The following NOS3 variants were observed in gnomAD, a reference collection of about 807,000 sequenced individuals.
The protein encoded by NOS3 is NOS type III.
NOS3 carries 98 observed loss-of-function variants against 144.9 expected under a neutral mutation model. That is an observed-to-expected ratio of 0.68 (90% CI 0.57 to 0.80). The LOEUF (loss-of-function observed/expected upper bound fraction) is 0.80. Ranked by LOEUF, NOS3 falls within the 30% of genes least tolerant of loss-of-function variation. The probability of loss-of-function intolerance (pLI) is 0.00; values close to 1 mark genes in which losing one functional copy is unlikely to be tolerated. For missense variants in NOS3, 1,465 were observed against 1,656.4 expected (o/e 0.88, Z 2.01); for synonymous variants, 714 against 702.4 (o/e 1.02, Z -0.26).
In NOS3 at chr7:151,005,595, G is replaced by A. The variant is rs541051253; in HGVS notation, c.1753-832G>A. Reference sequence around the variant, plus strand: ...TGCCCTCCCCTGCAGCTGCGAGGACGATCTGCCTGCCCCAACAAGTGGGGA... The same window carrying A: ...TGCCCTCCCCTGCAGCTGCGAGGACAATCTGCCTGCCCCAACAAGTGGGGA... On this transcript the variant is annotated intron_variant, in intron 14 of 26. Transcript: ENST00000297494. Among the ~76,000 whole-genome samples the A allele has an allele frequency of 1.4e-4, 22 of 152,286 alleles. No homozygotes were observed. The East Asian group carries it at 3.1e-3, about 21-fold the overall frequency.
chr7:150,995,556 CTTTCCCCCCTCCCACCCCTGCACCCT>C (rs1802361689), intron 3 of NOS3, among the ~76,000 whole-genome samples: 8 of 133,602 alleles, frequency 6.0e-5, no homozygotes, highest in East Asian at 4.6e-4. Context: ...CCCTGCACCC[CTTTCCCCCCTCCCACCCCTGCACCCT>C]TCCTCCCTCT....
At chr7:150,991,679 C>T (rs560042275) in intron 1 of NOS3, among the ~76,000 whole-genome samples, 13 of 152,224 alleles carry the variant, frequency 8.5e-5, no homozygotes, top group Non-Finnish European at 1.5e-4. Flanking sequence ...GCCACAGGGA[C>T]GGGCCACAGC....
At chr7:150,994,014 T>C (rs1802313304) in intron 2 of NOS3, 53 bp downstream of exon 2, 1 of 1,514,862 alleles carries the variant, frequency 6.6e-7, no homozygotes, top group Admixed American at 2.2e-5. Context: ...TGTCAAGGCC[T>C]GAAGCCTGGG....
At position 151,008,965 on chromosome 7, in the gene NOS3, C is replaced by T. The variant is rs753697327; in HGVS notation, c.2148C>T (p.Ala716=). 4 of 1,610,736 alleles carry T rather than the reference C, an allele frequency of 2.5e-6. No individual in the cohort carries two copies. Among genetic ancestry groups the T allele is most frequent in the Non-Finnish European group, 3.4e-6 (4 of 1,179,160 alleles). The stretch of plus-strand genomic sequence containing the variant: ...AGACCTTCTGTGTGGGAGAGGATGC[C>T]AAGGCCGCCGCCCGAGACATCTTCA... ...ACETFCVGED[A]KAAARDIFSP... is the part of the protein sequence containing the mutation. The change falls in exon 18 of 27, where the codon GCC becomes GCT. Residue 716 remains alanine (A), a synonymous_variant. Transcript: ENST00000297494.
At chr7:151,013,684 C>A in intron 25 of NOS3, 40 bp from the exon 26 acceptor site, 1 of 1,466,552 alleles carries the variant, frequency 6.8e-7, no homozygotes, top group South Asian at 1.2e-5. Context: ...CCCCCGCGCC[C>A]ACCCCCACCA....
chr7:151,012,226 T>G lies in NOS3; in HGVS notation c.2985-125T>G, dbSNP rs375435146. 3.9e-4 allele frequency: 305 copies of G among 788,110 alleles called. 2 individuals carry two copies. The Middle Eastern group carries it at 4.5e-3, about 12-fold the overall frequency. The allele number at this position is 788,110 out of a possible 1,614,324, so 48.8% of individuals were successfully genotyped here. On this transcript the variant is annotated intron_variant, in intron 23 of 26. Coordinates refer to ENST00000297494, the MANE Select transcript of NOS3 (RefSeq NM_000603.5). ...AAGTAGAGTTGTTTTTTGTTTTTTG[T>G]TTTTTTTTTAATTTTTTTTTGAGAT...
At chr7:151,006,570 A>C in intron 15 of NOS3, 76 bp downstream of exon 15, 1 of 1,258,248 alleles carries the variant, frequency 7.9e-7, no homozygotes, top group Non-Finnish European at 1.1e-6. Flanking sequence ...GGGTCTGAAA[A>C]GCTCTCCCTC....
At chr7:151,011,010 G>A in intron 23 of NOS3, 24 bp downstream of exon 23, 1 of 1,570,368 alleles carries the variant, frequency 6.4e-7, no homozygotes. Flanking sequence ...AAGACTTGGT[G>A]GGGAGCTGCC....
Position 151,003,310 on chromosome 7 carries a change from G to A in NOS3, c.1752+1006G>A. ...CTAGCTAATTTTTGTATTTTTTATAGAGATGGGGTTTCGCCATGTTGCCCA... is the reference window on the plus strand; with the variant it reads ...CTAGCTAATTTTTGTATTTTTTATAAAGATGGGGTTTCGCCATGTTGCCCA... On this transcript the variant is annotated intron_variant, in intron 14 of 26. Coordinates refer to ENST00000297494, the MANE Select transcript of NOS3 (RefSeq NM_000603.5). The surrounding 1 kb of genome is among the most constrained non-coding windows in gnomAD (Gnocchi z 4.1). The A allele has an allele frequency of 1.7e-6, 1 of 582,022 alleles. No homozygotes were observed. Among genetic ancestry groups the A allele is most frequent in the Non-Finnish European group, 2.9e-6 (1 of 346,588 alleles). 36.1% of individuals were successfully genotyped at this position (582,022 alleles called of 1,614,324 possible). A position where few individuals can be genotyped will look rare whatever the true frequency, so the allele number is the denominator to read the frequency against.
Position 150,996,597 on chromosome 7 carries a change from C to T in NOS3, c.419+45C>T, listed in dbSNP as rs551952882. On this transcript the variant is annotated intron_variant, in intron 4 of 26. Transcript: ENST00000297494. ...CACAGCCTCCCTTGTCCCACTGAGG[C>T]CCCAGAAACCCCGTGACGACCTTCC... 556 of 1,553,894 alleles carry T rather than the reference C, an allele frequency of 3.6e-4. 3 individuals are homozygous for T. In the East Asian group the frequency reaches 0.01, roughly 28 times the overall value.
Position 151,014,277 on chromosome 7 carries a change from A to T in NOS3, c.*108A>T. On this transcript the variant is annotated 3_prime_UTR_variant, in exon 27 of 27. Transcript: ENST00000297494. Reference sequence around the variant, plus strand: ...CCCTCTTGAGGTGGTGCCTTCTCACATCTGTCCAGAGGCTGCAAGGATTCA... The same window carrying T: ...CCCTCTTGAGGTGGTGCCTTCTCACTTCTGTCCAGAGGCTGCAAGGATTCA... The T allele has an allele frequency of 8.8e-7, 1 of 1,133,032 alleles. No homozygotes were observed. Among genetic ancestry groups the T allele is most frequent in the Non-Finnish European group, 1.2e-6 (1 of 810,102 alleles). The allele number at this position is 1,133,032 out of a possible 1,614,324, so 70.2% of individuals were successfully genotyped here. A position where few individuals can be genotyped will look rare whatever the true frequency, so the allele number is the denominator to read the frequency against.
At position 151,001,944 on chromosome 7, in the gene NOS3, C is replaced by T; in HGVS notation, c.1626C>T (p.Phe542=). Reference sequence around the variant, plus strand: ...ACGCACAGCAGCTGGGGAGACTCTTCCGGAAGGCTTTTGATCCCCGGGTAG... The same window carrying T: ...ACGCACAGCAGCTGGGGAGACTCTTTCGGAAGGCTTTTGATCCCCGGGTAG... ...QSYAQQLGRL[F]RKAFDPRVLC... is the part of the protein sequence containing the mutation. The change falls in exon 13 of 27, where the codon TTC becomes TTT. Residue 542 remains phenylalanine (F), a synonymous_variant. Coordinates refer to ENST00000297494, the MANE Select transcript of NOS3 (RefSeq NM_000603.5). 6.2e-7 allele frequency: 1 copy of T among 1,613,488 alleles called. No homozygotes were observed. Among genetic ancestry groups the T allele is most frequent in the Non-Finnish European group, 8.5e-7 (1 of 1,180,016 alleles).
chr7:151,012,271 C>T, intron 23 of NOS3, 80 bp from the exon 24 acceptor site: 1 of 1,332,290 alleles, frequency 7.5e-7, no homozygotes, highest in Non-Finnish European at 1.0e-6. Flanking sequence ...TTGGGTCCTC[C>T]TTGCTCCACC....
At position 151,004,755 on chromosome 7, in the gene NOS3, G is replaced by A. The variant is rs532401138; in HGVS notation, c.1753-1672G>A. On this transcript the variant is annotated intron_variant, in intron 14 of 26. Coordinates refer to ENST00000297494, the MANE Select transcript of NOS3 (RefSeq NM_000603.5). The stretch of plus-strand genomic sequence containing the variant: ...CAGGCAGAACTAATCCACGGAGTTA[G>A]AAATTAGGAGAGGAGTTAGTCACTG... Among the ~76,000 whole-genome samples the A allele has an allele frequency of 1.1e-4, 17 of 152,344 alleles. No individual in the cohort carries two copies. In the South Asian group the frequency reaches 3.1e-3, roughly 28 times the overall value.
At position 150,998,437 on chromosome 7, in the gene NOS3, G is replaced by C; in HGVS notation, c.663G>C (p.Arg221=). The change falls in exon 6 of 27, where the codon CGG becomes CGC. Residue 221 remains arginine, a synonymous_variant. Coordinates refer to ENST00000297494, the MANE Select transcript of NOS3 (RefSeq NM_000603.5). The surrounding 1 kb of genome is among the most constrained non-coding windows in gnomAD (Gnocchi z 5.0). ...ICNHIKYATN[R]GNLRSAITVF... ...ACCACATCAAGTATGCCACCAACCG[G>C]GGCAACCTTCGGTGAGTGCCCCCCA... is the stretch of plus-strand genomic sequence containing the variant. 6.2e-7 allele frequency: 1 copy of C among 1,612,414 alleles called. No individual in the cohort carries two copies.
At position 151,003,999 on chromosome 7, in the gene NOS3, G is replaced by C; in HGVS notation, c.1752+1695G>C. The C allele has an allele frequency of 3.4e-6, 1 of 296,046 alleles. No homozygotes were observed. The highest frequency in any genetic ancestry group is 2.9e-5 in the South Asian group (1 of 34,308). The allele number at this position is 296,046 out of a possible 1,614,324, so 18.3% of individuals were successfully genotyped here. A position where few individuals can be genotyped will look rare whatever the true frequency, so the allele number is the denominator to read the frequency against. ...TAAATACCTAGGAGTAGAATTGGTA[G>C]GTCATAGGGTAGATGCATGTTTAAT... On this transcript the variant is annotated intron_variant, in intron 14 of 26. Coordinates refer to ENST00000297494, the MANE Select transcript of NOS3 (RefSeq NM_000603.5). This position sits in a 1 kb window ranked among gnomAD's most constrained non-coding sequence, Gnocchi z 4.1.
intron 2 of NOS3, among the ~76,000 whole-genome samples, chr7:150,994,510 C>T (rs1020996200): frequency 6.6e-6 from 1 of 152,134 alleles, no homozygotes; most frequent in Non-Finnish European, 1.5e-5. Flanking sequence ...CTCCAGCCCC[C>T]TCTCCTCGTG....
intron 14 of NOS3, among the ~76,000 whole-genome samples, chr7:151,005,673 G>A (rs907276004): frequency 6.6e-5 from 10 of 152,318 alleles, no homozygotes; most frequent in African/African-American, 2.4e-4. Context: ...AAAAGTGGGA[G>A]CAAGGCACAC....
chr7:151,007,173 G>A lies in NOS3; in HGVS notation c.2009G>A (p.Arg670Gln), dbSNP rs766759667. The A allele has an allele frequency of 2.5e-6, 4 of 1,613,734 alleles. No individual in the cohort carries two copies. The highest frequency in any genetic ancestry group is 1.7e-5 in the Admixed American group (1 of 60,026). The part of the protein sequence containing the change: ...FCAFARAVDT[R>Q]LEELGGERLL... Reference sequence around the variant, plus strand: ...GCCTTTGCTCGTGCCGTGGACACACGGCTGGAGGAACTGGGCGGGGAGCGG... The same window carrying A: ...GCCTTTGCTCGTGCCGTGGACACACAGCTGGAGGAACTGGGCGGGGAGCGG... The change falls in exon 17 of 27, where the codon CGG (arginine) becomes CAG (glutamine). Residue 670 changes from arginine to glutamine, a missense_variant. Arg to Gln is a conservative substitution (Grantham distance 43, BLOSUM62 1). Transcript: ENST00000297494.
Sources: allele counts gnomAD v4.1 joint callset (sites outside exome capture counted in the v4.1 genomes callset), GRCh38; gene constraint gnomAD v4.1.1; non-coding constraint Gnocchi (gnomAD v3.1); transcripts MANE v1.5; gene names NCBI Gene and HGNC (gene_info 2026-07-23, HGNC 2026-07-21).